The following EPHB1 variants were observed in gnomAD, a reference collection of about 807,000 sequenced individuals.
EPHB1 encodes ephrin type-B receptor 1.
In EPHB1, 30 loss-of-function variants were observed where a neutral mutation model predicts 94.4. The ratio of observed to expected loss-of-function variants is 0.32; its 90% CI spans 0.24 to 0.43. The LOEUF (loss-of-function observed/expected upper bound fraction) is 0.43, where lower values mean the gene tolerates loss of function less well. Ranked by LOEUF, EPHB1 falls within the 20% of genes least tolerant of loss-of-function variation. The pLI is 1.00. For missense variants in EPHB1, 1,055 were observed against 1,308.3 expected, an observed-to-expected ratio of 0.81 and a Z score of 2.99; for synonymous variants, 522 against 489.1, an observed-to-expected ratio of 1.07 and a Z score of -0.89.
intron 3 of EPHB1, among the ~76,000 whole-genome samples, chr3:134,984,267 C>T (rs1934515133): frequency 6.6e-6 from 1 of 152,052 alleles, no homozygotes; most frequent in African/African-American, 2.4e-5. Context: ...CTCTTGGTGG[C>T]CCCACAGCTG....
intron 1 of EPHB1, among the ~76,000 whole-genome samples, chr3:134,895,582 C>T (rs575687380): frequency 1.3e-5 from 2 of 152,162 alleles, no homozygotes; most frequent in African/African-American, 2.4e-5. Flanking sequence ...GGACCTTTTA[C>T]GTGCAGATAC....
In EPHB1 at chr3:135,158,090, T is replaced by C. The variant is rs1044345258; in HGVS notation, c.1422+3814T>C. 3.3e-5 allele frequency among the ~76,000 whole-genome samples: 5 copies of C among 152,210 alleles called. No individual in the cohort carries two copies. In the South Asian group the frequency reaches 1.0e-3, roughly 32 times the overall value. On this transcript the variant is annotated intron_variant, in intron 6 of 15. Coordinates refer to ENST00000398015, the MANE Select transcript of EPHB1 (RefSeq NM_004441.5). ...CTCAAAATTAGTGTGGCTCCCAAAA[T>C]AAGAGATTGTATCTTAATAAATCCA...
chr3:135,063,595 T>A (rs1162775296), intron 3 of EPHB1, among the ~76,000 whole-genome samples: 1 of 152,128 alleles, frequency 6.6e-6, no homozygotes, highest in Non-Finnish European at 1.5e-5. Flanking sequence ...TCTAGAGAAG[T>A]CTTCAGGGTT....
At chr3:135,050,977 A>T (rs866329626) in intron 3 of EPHB1, among the ~76,000 whole-genome samples, 1 of 151,560 alleles carries the variant, frequency 6.6e-6, no homozygotes, top group Admixed American at 6.6e-5. Flanking sequence ...AGACAAAAGA[A>T]AGAGAAAGGA....
At chr3:135,129,757 G>T (rs1940353937) in intron 4 of EPHB1, among the ~76,000 whole-genome samples, 1 of 152,192 alleles carries the variant, frequency 6.6e-6, no homozygotes, top group African/African-American at 2.4e-5. Context: ...CTCAGGGAAG[G>T]GTCCTAGTGG....
At chr3:134,867,543 G>A (rs944344157) in intron 1 of EPHB1, among the ~76,000 whole-genome samples, 12 of 152,170 alleles carry the variant, frequency 7.9e-5, no homozygotes, top group Non-Finnish European at 1.0e-4. Context: ...GGGAGTGAGA[G>A]GTGCACTTGG....
chr3:135,016,911 TCTC>T (rs1228886442), intron 3 of EPHB1, among the ~76,000 whole-genome samples: 1 of 152,136 alleles, frequency 6.6e-6, no homozygotes, highest in African/African-American at 2.4e-5. Flanking sequence ...TTCCCAGAGT[TCTC>T]CTGCTTATCT....
chr3:135,248,346 C>T lies in EPHB1; in HGVS notation c.2527C>T (p.Leu843=), dbSNP rs760243602. 2.5e-6 allele frequency: 4 copies of T among 1,598,278 alleles called. No homozygotes were observed. In the South Asian group the frequency reaches 3.3e-5, roughly 13 times the overall value. Residue 843 remains leucine (L), a synonymous_variant, in exon 14 of 16, where the codon CTG becomes TTG. Coordinates refer to ENST00000398015, the MANE Select transcript of EPHB1 (RefSeq NM_004441.5). ...CAATGCCATCGAGCAGGACTACCGGCTGCCCCCACCCATGGACTGTCCAGC... is the reference window on the plus strand; with the variant it reads ...CAATGCCATCGAGCAGGACTACCGGTTGCCCCCACCCATGGACTGTCCAGC... ...VINAIEQDYR[L]PPPMDCPAAL... is the part of the protein sequence containing the mutation.
chr3:134,893,611 C>A (rs1402201216), intron 1 of EPHB1, among the ~76,000 whole-genome samples: 1 of 152,222 alleles, frequency 6.6e-6, no homozygotes, highest in Non-Finnish European at 1.5e-5. Flanking sequence ...AAGTCCTACC[C>A]AGTACCAGCC....
chr3:135,009,712 A>G (rs1307735576), intron 3 of EPHB1, among the ~76,000 whole-genome samples: 3 of 152,258 alleles, frequency 2.0e-5, no homozygotes, highest in African/African-American at 7.2e-5. Flanking sequence ...GTCACATTTT[A>G]GGCAGCTTAT....
At chr3:134,838,312 C>T (rs1199808644) in intron 1 of EPHB1, among the ~76,000 whole-genome samples, 2 of 152,192 alleles carry the variant, frequency 1.3e-5, no homozygotes, top group Non-Finnish European at 2.9e-5. Context: ...GTAGAAGGAA[C>T]ACTGAGGCAC....
intron 1 of EPHB1, among the ~76,000 whole-genome samples, chr3:134,806,990 G>A (rs530399385): frequency 1.3e-5 from 2 of 152,310 alleles, no homozygotes; most frequent in South Asian, 4.1e-4. Flanking sequence ...TTAGCAAGTG[G>A]GCTTAGGTTT....
chr3:134,907,176 A>T (rs1007213364), intron 1 of EPHB1, among the ~76,000 whole-genome samples: 1 of 152,220 alleles, frequency 6.6e-6, no homozygotes. Flanking sequence ...TGCTACTGAT[A>T]AGAAATCTGG....
chr3:134,986,000 C>T (rs953922768), intron 3 of EPHB1, among the ~76,000 whole-genome samples: 1 of 152,066 alleles, frequency 6.6e-6, no homozygotes, highest in African/African-American at 2.4e-5. Flanking sequence ...CATGTTTGCC[C>T]CAGATAGTGA....
chr3:135,207,266 G>C (rs1002763801), intron 12 of EPHB1, among the ~76,000 whole-genome samples: 4 of 152,198 alleles, frequency 2.6e-5, no homozygotes, highest in African/African-American at 9.6e-5. Context: ...ATTCTACACA[G>C]TGATATGGCC....
chr3:135,123,686 T>A (rs1024490125), intron 4 of EPHB1, among the ~76,000 whole-genome samples: 1 of 151,980 alleles, frequency 6.6e-6, no homozygotes, highest in African/African-American at 2.4e-5. Context: ...TCTGGGCCTT[T>A]GTTTTCTTAT....
chr3:134,955,196 C>T (rs1307199403), intron 3 of EPHB1, among the ~76,000 whole-genome samples: 7 of 43,788 alleles, frequency 1.6e-4, no homozygotes, highest in Non-Finnish European at 2.5e-4. Flanking sequence ...CATGCTGGTG[C>T]GCTGCACCCA....
intron 3 of EPHB1, among the ~76,000 whole-genome samples, chr3:135,054,881 T>C (rs1395723222): frequency 6.6e-6 from 1 of 152,218 alleles, no homozygotes; most frequent in African/African-American, 2.4e-5. Context: ...CATTTGTCCT[T>C]ACACTTCCTT....
intron 3 of EPHB1, among the ~76,000 whole-genome samples, chr3:134,973,010 G>T (rs1452901088): frequency 6.6e-6 from 1 of 152,208 alleles, no homozygotes; most frequent in East Asian, 1.9e-4. Context: ...GGTTGGTCTG[G>T]CTTCCCTTCT....
Sources: allele counts gnomAD v4.1 joint callset (sites outside exome capture counted in the v4.1 genomes callset), GRCh38; gene constraint gnomAD v4.1.1; transcripts MANE v1.5; gene names NCBI Gene and HGNC (gene_info 2026-07-23, HGNC 2026-07-21).